ZNF141: variants seen among roughly 807,000 people sequenced by gnomAD.
The protein encoded by ZNF141 is zinc finger protein 141 (clone pHZ-44).
In ZNF141, 7 loss-of-function variants were observed where a neutral mutation model predicts 11.3. The ratio of observed to expected loss-of-function variants is 0.62; its 90% confidence interval spans 0.35 to 1.16. The LOEUF is 1.16. Ranked by LOEUF, ZNF141 falls within the 50% of genes most tolerant of loss-of-function variation. The pLI, the probability that ZNF141 is intolerant of heterozygous loss-of-function variation, is 0.02. For synonymous variants in ZNF141, 183 were observed against 190.7 expected (o/e 0.96, Z 0.33); for missense variants, 535 against 554.0 (o/e 0.97, Z 0.34).
In ZNF141 at chr4:372,920, C is replaced by T. The variant is rs1712145088; in HGVS notation, c.483C>T (p.Asn161=). 6.2e-7 allele frequency: 1 copy of T among 1,613,684 alleles called. No individual in the cohort carries two copies. The highest frequency in any genetic ancestry group is 1.3e-5 in the African/African-American group (1 of 74,900). Residue 161 remains asparagine (N), a synonymous_variant, in exon 4 of 4, where the codon AAC becomes AAT. Coordinates refer to ENST00000240499, the MANE Select transcript of ZNF141 (RefSeq NM_003441.4). ...VKVVSKFSNS[N]KRKTRHTGEK... ...TTGTTAGTAAATTTTCAAATTCAAA[C>T]AAACGTAAGACAAGACATACTGGAG... is the stretch of plus-strand genomic sequence containing the variant.
At chr4:355,199 A>AT (rs1279230542) in intron 3 of ZNF141, among the ~76,000 whole-genome samples, 2 of 150,934 alleles carry the variant, frequency 1.3e-5, no homozygotes, top group South Asian at 2.1e-4. Context: ...TTATTTATTT[A>AT]TTTATTTTTT....
rs1712342955 is a variant in ZNF141, at chr4:375,927, T to C, written c.*2065T>C. Reference sequence around the variant, plus strand: ...AGAGGCTTTTTTGTAGTTGACAATATTGAGTGATGCATGAGGTAGGTGTTC... The same window carrying C: ...AGAGGCTTTTTTGTAGTTGACAATACTGAGTGATGCATGAGGTAGGTGTTC... On this transcript the variant is annotated 3_prime_UTR_variant, in exon 4 of 4. Transcript: ENST00000240499. Among the ~76,000 whole-genome samples, 1 of 152,000 alleles carries C rather than the reference T, an allele frequency of 6.6e-6. No homozygotes were observed. Among genetic ancestry groups the C allele is most frequent in the South Asian group, 2.1e-4 (1 of 4,834 alleles).
intron 3 of ZNF141, among the ~76,000 whole-genome samples, chr4:363,147 A>G (rs1426597094): frequency 2.6e-5 from 4 of 152,124 alleles, no homozygotes; most frequent in Non-Finnish European, 5.9e-5. Flanking sequence ...GCAATTGTGA[A>G]TAGGAGTTCA....
chr4:351,838 C>G (rs1211143062), intron 3 of ZNF141, among the ~76,000 whole-genome samples: 5 of 152,128 alleles, frequency 3.3e-5, no homozygotes, highest in Admixed American at 3.3e-4. Context: ...CCCTGGAAAG[C>G]TGGGTATCCA....
chr4:370,933 C>T (rs896945704), intron 3 of ZNF141, among the ~76,000 whole-genome samples: 1 of 151,840 alleles, frequency 6.6e-6, no homozygotes, highest in East Asian at 1.9e-4. Flanking sequence ...AGGGTTTCAC[C>T]GTGTTAGCCA....
chr4:383,786 A>AT lies in ZNF141; in HGVS notation c.*9926dup, dbSNP rs1334555554. The stretch of plus-strand genomic sequence containing the variant: ...ATGCCTTCATCTGCATAGGGTACCA[A>AT]TTCGCCTCAACCTTTGATTAGCCAA... On this transcript the variant is annotated 3_prime_UTR_variant, in exon 4 of 4. Transcript: ENST00000240499. The AT allele has an allele frequency of 6.6e-6, 1 of 152,376 alleles. No individual in the cohort carries two copies. The highest frequency in any genetic ancestry group is 2.4e-5 in the African/African-American group (1 of 41,472). 9.4% of individuals were successfully genotyped at this position (152,376 alleles called of 1,614,324 possible). A position where few individuals can be genotyped will look rare whatever the true frequency, so the allele number is the denominator to read the frequency against.
In ZNF141 at chr4:381,560, C is replaced by T. The variant is rs1712618189; in HGVS notation, c.*7698C>T. On this transcript the variant is annotated 3_prime_UTR_variant, in exon 4 of 4. Coordinates refer to ENST00000240499, the MANE Select transcript of ZNF141 (RefSeq NM_003441.4). ...AGTAGCTGGGACTAACAGGTGCGCC[C>T]CACCACGCCTGAAAAATTTTTGTAT... Among the ~76,000 whole-genome samples, 1 of 151,812 alleles carries T rather than the reference C, an allele frequency of 6.6e-6. No homozygotes were observed. Among genetic ancestry groups the T allele is most frequent in the Admixed American group, 6.6e-5 (1 of 15,224 alleles).
chr4:339,494 G>C (rs1227991632), intron 1 of ZNF141, among the ~76,000 whole-genome samples: 1 of 121,414 alleles, frequency 8.2e-6, no homozygotes, highest in African/African-American at 3.6e-5. Context: ...TGTGCTACAA[G>C]AATTCAACGT....
chr4:344,404 T>G lies in ZNF141; in HGVS notation c.200T>G (p.Ile67Arg), dbSNP rs1560181085. The change falls in exon 3 of 4, where the codon ATA (isoleucine) becomes AGA (arginine). Residue 67 changes from isoleucine (I) to arginine (R), a missense_variant. Physicochemically the swap from Ile to Arg is moderately conservative, Grantham distance 97. Coordinates refer to ENST00000240499, the MANE Select transcript of ZNF141 (RefSeq NM_003441.4). ...EQRKEPYNVK[I>R]HKIVARPPAM... ...AGAAAAGAGCCCTACAATGTGAAGA[T>G]ACATAAGATCGTAGCCAGACCCCCA... is the stretch of plus-strand genomic sequence containing the variant. 1.9e-6 allele frequency: 3 copies of G among 1,607,288 alleles called. No homozygotes were observed. Among genetic ancestry groups the G allele is most frequent in the Admixed American group, 1.7e-5 (1 of 59,808 alleles).
chr4:363,086 T>G (rs1277778285), intron 3 of ZNF141, among the ~76,000 whole-genome samples: 1 of 152,160 alleles, frequency 6.6e-6, no homozygotes, highest in Non-Finnish European at 1.5e-5. Flanking sequence ...CTTGAAGAGG[T>G]CCTTCACATC....
chr4:367,381 CTATT>C (rs1471483996), intron 3 of ZNF141, among the ~76,000 whole-genome samples: 1 of 152,038 alleles, frequency 6.6e-6, no homozygotes, highest in African/African-American at 2.4e-5. Flanking sequence ...ATTTTACTTT[CTATT>C]TATTTGTAAA....
chr4:363,140 A>T (rs111492105), intron 3 of ZNF141, among the ~76,000 whole-genome samples: 1 of 152,030 alleles, frequency 6.6e-6, no homozygotes, highest in Non-Finnish European at 1.5e-5. Context: ...CTTTGAAGCA[A>T]TTGTGAATAG....
Position 344,396 on chromosome 4 carries a change from T to C in ZNF141, c.192T>C (p.Asn64=). 6.2e-7 allele frequency: 1 copy of C among 1,607,820 alleles called. No homozygotes were observed. Among genetic ancestry groups the C allele is most frequent in the Non-Finnish European group, 8.5e-7 (1 of 1,175,616 alleles). The change falls in exon 3 of 4, where the codon AAT becomes AAC. Residue 64 remains asparagine, a synonymous_variant. Coordinates refer to ENST00000240499, the MANE Select transcript of ZNF141 (RefSeq NM_003441.4). ...TCLEQRKEPY[N]VKIHKIVARP... The stretch of plus-strand genomic sequence containing the variant: ...TGGAGCAAAGAAAAGAGCCCTACAA[T>C]GTGAAGATACATAAGATCGTAGCCA...
In ZNF141 at chr4:378,825, T is replaced by C. The variant is rs1712486483; in HGVS notation, c.*4963T>C. ...TATGGCAGCTGTTGAATCCAAACAG[T>C]TTCTCAGTGATTTTTTTTTTTTTTT... On this transcript the variant is annotated 3_prime_UTR_variant, in exon 4 of 4. Coordinates refer to ENST00000240499, the MANE Select transcript of ZNF141 (RefSeq NM_003441.4). Among the ~76,000 whole-genome samples the C allele has an allele frequency of 6.7e-6, 1 of 149,500 alleles. No homozygotes were observed. Among genetic ancestry groups the C allele is most frequent in the Non-Finnish European group, 1.5e-5 (1 of 67,576 alleles).
rs1712312973 is a variant in ZNF141, at chr4:375,386, AAATGT to A, written c.*1528_*1532del. ...AATTTATATTGGAGAGAAATCCTAC[AAATGT>A]AATAAATGTGGAAAAACATTTGTTC... On this transcript the variant is annotated 3_prime_UTR_variant, in exon 4 of 4. Coordinates refer to ENST00000240499, the MANE Select transcript of ZNF141 (RefSeq NM_003441.4). 1 of 152,116 alleles carries A rather than the reference AAATGT, an allele frequency of 6.6e-6. No individual in the cohort carries two copies. The highest frequency in any genetic ancestry group is 1.5e-5 in the Non-Finnish European group (1 of 67,948). The allele number at this position is 152,116 out of a possible 1,614,324, so 9.4% of individuals were successfully genotyped here.
chr4:342,574 C>G (rs1240926519), intron 1 of ZNF141, among the ~76,000 whole-genome samples: 1 of 152,110 alleles, frequency 6.6e-6, no homozygotes, highest in Non-Finnish European at 1.5e-5. Context: ...TTGTTACTTA[C>G]AGTGAGGCCT....
chr4:361,314 C>CTCTT (rs72490219), intron 3 of ZNF141, among the ~76,000 whole-genome samples: 64,394 of 149,850 alleles, frequency 0.43, 14,221 homozygotes, highest in African/African-American at 0.55. Context: ...TATATAATGT[C>CTCTT]TCTTTTTGAC....
At chr4:365,751 C>G (rs187291020) in intron 3 of ZNF141, among the ~76,000 whole-genome samples, 52 of 152,280 alleles carry the variant, frequency 3.4e-4, no homozygotes, top group African/African-American at 1.2e-3. Flanking sequence ...CTATGTTTAT[C>G]CAAATAGCTT....
At chr4:347,085 T>A (rs1215694810) in intron 3 of ZNF141, among the ~76,000 whole-genome samples, 1 of 150,718 alleles carries the variant, frequency 6.6e-6, no homozygotes, top group African/African-American at 2.4e-5. Context: ...TTGCCCAGGC[T>A]GGAGTGCAGT....
Sources: gnomAD v4.1 joint callset for allele counts (sites outside exome capture counted in the v4.1 genomes callset) on GRCh38, gnomAD v4.1.1 for gene constraint, MANE v1.5 for transcripts, NCBI Gene and HGNC (gene_info 2026-07-23, HGNC 2026-07-21) for gene names.